POLR3F: variants seen among roughly 807,000 people sequenced by gnomAD.
The protein encoded by POLR3F is RNA polymerase III subunit F, also known as DNA-directed RNA polymerase III subunit RPC6.
In POLR3F, 31 loss-of-function variants were observed where a neutral mutation model predicts 43.6. The observed-to-expected ratio is 0.71, with a 90% CI of 0.53 to 0.96. The LOEUF is 0.96. POLR3F is among the 40% of genes least tolerant of loss of function. POLR3F has a pLI of 0.00. For synonymous variants in POLR3F, 114 were observed against 132.5 expected (o/e 0.86, Z 0.96); for missense variants, 316 against 391.7 (o/e 0.81, Z 1.63).
intron 5 of POLR3F, among the ~76,000 whole-genome samples, chr20:18,476,331 T>C (rs1458351938): frequency 3.3e-5 from 5 of 152,236 alleles, no homozygotes; most frequent in Non-Finnish European, 5.9e-5. Context: ...TTCTGGACAG[T>C]TCCTATAAAT....
intron 1 of POLR3F, among the ~76,000 whole-genome samples, chr20:18,468,355 G>C (rs922258155): frequency 2.6e-5 from 4 of 152,172 alleles, no homozygotes; most frequent in African/African-American, 9.7e-5. Flanking sequence ...GATTACAGGC[G>C]TGAGCCACCG....
At chr20:18,468,851 G>A in intron 1 of POLR3F, 93 bp from the exon 2 acceptor site, 1 of 696,426 alleles carries the variant, frequency 1.4e-6, no homozygotes, top group Non-Finnish European at 2.6e-6. Context: ...TGTGAAAAAG[G>A]CACAGTTTCA....
rs759095334 is a variant in POLR3F, at chr20:18,467,502, C to T, written c.-5C>T. On this transcript the variant is annotated 5_prime_UTR_variant, in exon 1 of 9. Transcript: ENST00000377603. ...TTCCCCCCAGGCGTCAGGAACTGCGCCCTCATGGCGGAGGTGAAGGTGAAG... is the reference window on the plus strand; with the variant it reads ...TTCCCCCCAGGCGTCAGGAACTGCGTCCTCATGGCGGAGGTGAAGGTGAAG... 2 of 1,614,226 alleles carry T rather than the reference C, an allele frequency of 1.2e-6. No homozygotes were observed. Among genetic ancestry groups the T allele is most frequent in the Admixed American group, 1.7e-5 (1 of 60,034 alleles).
chr20:18,480,444 A>G lies in POLR3F; in HGVS notation c.616A>G (p.Arg206Gly). The G allele has an allele frequency of 1.9e-6, 3 of 1,612,916 alleles. No homozygotes were observed. Among genetic ancestry groups the G allele is most frequent in the Non-Finnish European group, 2.5e-6 (3 of 1,178,898 alleles). Residue 206 changes from arginine (R) to glycine (G), a missense_variant, in exon 7 of 9, where the codon AGA becomes GGA. Around this residue, in one of 3 missense-constraint regions of POLR3F, gnomAD observed 109 missense variants for 177.7 expected, o/e 0.61. Transcript: ENST00000377603. Reference protein sequence around the residue: ...RESKQNPMIQRNSSFASSHEV... With the variant: ...RESKQNPMIQGNSSFASSHEV... ...AAGCAAACAGAACCCAATGATACAA[A>G]GAAATAGTTCATTTGCCTCATCACA...
At chr20:18,471,149 C>G (rs1230317648) in intron 2 of POLR3F, among the ~76,000 whole-genome samples, 1 of 152,164 alleles carries the variant, frequency 6.6e-6, no homozygotes, top group Non-Finnish European at 1.5e-5. Context: ...CACTGAGTCC[C>G]TGCATTGTTC....
At chr20:18,469,883 TCA>T (rs2059738879) in intron 2 of POLR3F, among the ~76,000 whole-genome samples, 1 of 152,194 alleles carries the variant, frequency 6.6e-6, no homozygotes, top group Admixed American at 6.5e-5. Context: ...CTATGAGTTG[TCA>T]CAGAGCCCAG....
Position 18,484,323 on chromosome 20 carries a change from T to A in POLR3F, c.*765T>A, listed in dbSNP as rs1600208263. On this transcript the variant is annotated 3_prime_UTR_variant, in exon 9 of 9. Coordinates refer to ENST00000377603, the MANE Select transcript of POLR3F (RefSeq NM_006466.4). Reference sequence around the variant, plus strand: ...TGTTAGAATTTACCCTAGATTCTTATTTAATGTCTGCAGTAGACTGAATGT... The same window carrying A: ...TGTTAGAATTTACCCTAGATTCTTAATTAATGTCTGCAGTAGACTGAATGT... 1.3e-5 allele frequency: 5 copies of A among 393,040 alleles called. No homozygotes were observed. Among genetic ancestry groups the A allele is most frequent in the Non-Finnish European group, 2.2e-5 (5 of 223,006 alleles). The allele number at this position is 393,040 out of a possible 1,614,324, so 24.3% of individuals were successfully genotyped here. A position where few individuals can be genotyped will look rare whatever the true frequency, so the allele number is the denominator to read the frequency against.
At chr20:18,471,915 G>A (rs1389690763) in intron 2 of POLR3F, among the ~76,000 whole-genome samples, 1 of 152,242 alleles carries the variant, frequency 6.6e-6, no homozygotes, top group Non-Finnish European at 1.5e-5. Flanking sequence ...CCGGGAGGCA[G>A]AGGTTGCAGT....
At chr20:18,469,521 T>G (rs916807512) in intron 2 of POLR3F, among the ~76,000 whole-genome samples, 6 of 152,212 alleles carry the variant, frequency 3.9e-5, no homozygotes, top group African/African-American at 1.4e-4. Context: ...ATGGGACTCC[T>G]CAGCCTCCAT....
In POLR3F at chr20:18,469,046, T is replaced by C; in HGVS notation, c.165T>C (p.Asn55=). 6.7e-7 allele frequency: 1 copy of C among 1,490,438 alleles called. No individual in the cohort carries two copies. Among genetic ancestry groups the C allele is most frequent in the Non-Finnish European group, 9.4e-7 (1 of 1,066,974 alleles). The allele number at this position is 1,490,438 out of a possible 1,614,324, so 92.3% of individuals were successfully genotyped here. ...CCCAGCAGCGGGCAGTAGCCATCAA[T>C]AGGTTGTTGTCTATGGTAAGGTGAA... ...IEAQQRAVAI[N]RLLSMGQLDL... Residue 55 remains asparagine, a synonymous_variant, in exon 2 of 9, where the codon AAT becomes AAC. Transcript: ENST00000377603.
Position 18,483,856 on chromosome 20 carries a change from A to G in POLR3F, c.*298A>G. 2.5e-6 allele frequency: 1 copy of G among 394,000 alleles called. No homozygotes were observed. Among genetic ancestry groups the G allele is most frequent in the East Asian group, 3.7e-5 (1 of 27,392 alleles). 24.4% of individuals were successfully genotyped at this position (394,000 alleles called of 1,614,324 possible). On this transcript the variant is annotated 3_prime_UTR_variant, in exon 9 of 9. Coordinates refer to ENST00000377603, the MANE Select transcript of POLR3F (RefSeq NM_006466.4). The stretch of plus-strand genomic sequence containing the variant: ...GACTTCTGATGGGTCAAGGAAAAAG[A>G]TGCCAACATACCCGTATTTACCAAG...
Position 18,484,124 on chromosome 20 carries a change from A to G in POLR3F, c.*566A>G. Reference sequence around the variant, plus strand: ...CCGCACAATATTAATTCCTTTTTGTATCAGAAATGTTCTTTTAGGAGATTA... The same window carrying G: ...CCGCACAATATTAATTCCTTTTTGTGTCAGAAATGTTCTTTTAGGAGATTA... On this transcript the variant is annotated 3_prime_UTR_variant, in exon 9 of 9. Coordinates refer to ENST00000377603, the MANE Select transcript of POLR3F (RefSeq NM_006466.4). The G allele has an allele frequency of 2.5e-6, 1 of 398,578 alleles. No homozygotes were observed. Among genetic ancestry groups the G allele is most frequent in the South Asian group, 1.3e-4 (1 of 7,860 alleles). 24.7% of individuals were successfully genotyped at this position (398,578 alleles called of 1,614,324 possible). A position where few individuals can be genotyped will look rare whatever the true frequency, so the allele number is the denominator to read the frequency against.
intron 8 of POLR3F, among the ~76,000 whole-genome samples, 182 bp downstream of exon 8, chr20:18,481,992 T>A (rs1303224837): frequency 6.9e-6 from 1 of 144,750 alleles, no homozygotes; most frequent in Non-Finnish European, 1.5e-5. Flanking sequence ...ACTTTTTTTT[T>A]TTTTTTTTTT....
rs143898119 is a variant in POLR3F at position 18,484,114 on chromosome 20, T to A, written c.*556T>A. 2.2e-3 allele frequency: 861 copies of A among 398,540 alleles called. 6 individuals carry two copies. Among genetic ancestry groups the A allele is most frequent in the African/African-American group, 0.016 (802 of 48,726 alleles). 24.7% of individuals were successfully genotyped at this position (398,540 alleles called of 1,614,324 possible). A position where few individuals can be genotyped will look rare whatever the true frequency, so the allele number is the denominator to read the frequency against. On this transcript the variant is annotated 3_prime_UTR_variant, in exon 9 of 9. Coordinates refer to ENST00000377603, the MANE Select transcript of POLR3F (RefSeq NM_006466.4). Reference sequence around the variant, plus strand: ...CATGCCTTTTCCGCACAATATTAATTCCTTTTTGTATCAGAAATGTTCTTT... The same window carrying A: ...CATGCCTTTTCCGCACAATATTAATACCTTTTTGTATCAGAAATGTTCTTT...
Position 18,473,378 on chromosome 20 carries a change from T to A in POLR3F, c.249-13T>A. On this transcript the variant is annotated splice_polypyrimidine_tract_variant and intron_variant, in intron 3 of 8. Transcript: ENST00000377603. ...AGTCCTTACCTTACTAATTTTACTT[T>A]ATTCCACTACAGTAAAATGAAGGGA... 2 of 1,152,102 alleles carry A rather than the reference T, an allele frequency of 1.7e-6. No individual in the cohort carries two copies. The highest frequency in any genetic ancestry group is 2.6e-6 in the Non-Finnish European group (2 of 761,408). 71.4% of individuals were successfully genotyped at this position (1,152,102 alleles called of 1,614,324 possible).
rs564680750 is a variant in POLR3F at position 18,481,595 on chromosome 20, C to G, written c.682-24C>G. On this transcript the variant is annotated intron_variant, in intron 7 of 8. Transcript: ENST00000377603. Reference sequence around the variant, plus strand: ...GATGTCTCCCTATCCTACTTGTGTCCTTTCTGATGTATCCCTTTTTTAGGT... The same window carrying G: ...GATGTCTCCCTATCCTACTTGTGTCGTTTCTGATGTATCCCTTTTTTAGGT... The G allele has an allele frequency of 5.3e-6, 8 of 1,517,366 alleles. No homozygotes were observed. In the South Asian group the frequency reaches 9.0e-5, roughly 17 times the overall value. 94.0% of individuals were successfully genotyped at this position (1,517,366 alleles called of 1,614,324 possible).
intron 1 of POLR3F, 41 bp from the exon 2 acceptor site, chr20:18,468,903 C>A: frequency 1.1e-6 from 1 of 948,626 alleles, no homozygotes; most frequent in Non-Finnish European, 1.7e-6. Flanking sequence ...TCTCTTGAAA[C>A]AGGTAACCAT....
chr20:18,476,529 T>C (rs1322958928), intron 5 of POLR3F, among the ~76,000 whole-genome samples: 2 of 152,218 alleles, frequency 1.3e-5, no homozygotes, highest in Non-Finnish European at 2.9e-5. Flanking sequence ...TAAAATAATC[T>C]TAGATCTCAG....
intron 5 of POLR3F, among the ~76,000 whole-genome samples, chr20:18,479,021 T>C (rs1204278026): frequency 6.6e-6 from 1 of 151,962 alleles, no homozygotes; most frequent in Non-Finnish European, 1.5e-5. Context: ...GACGGGCGCC[T>C]GTAATCCCAG....
Sources: allele counts gnomAD v4.1 joint callset (sites outside exome capture counted in the v4.1 genomes callset), GRCh38; gene constraint gnomAD v4.1.1; regional missense constraint gnomAD v4.1.1; transcripts MANE v1.5; gene names NCBI Gene and HGNC (gene_info 2026-07-23, HGNC 2026-07-21).